IQCJ: variants seen among roughly 807,000 people sequenced by gnomAD.
The protein encoded by IQCJ is IQ motif containing J, also known as IQ domain-containing protein J.
Under a neutral mutation model 11.0 loss-of-function variants are expected in IQCJ, and 9 were observed. The ratio of observed to expected loss-of-function variants is 0.82; its 90% CI spans 0.49 to 1.43. IQCJ has a LOEUF of 1.43. Among genes scored for constraint, IQCJ ranks in the 40% most tolerant of loss-of-function variants. IQCJ has a pLI of 0.00. For missense variants in IQCJ, 146 were observed against 133.2 expected (o/e 1.10, Z -0.47); for synonymous variants, 55 against 51.3 (o/e 1.07, Z -0.31).
chr3:159,254,977 C>G (rs892872850), intron 3 of IQCJ, among the ~76,000 whole-genome samples: 5 of 152,226 alleles, frequency 3.3e-5, no homozygotes, highest in African/African-American at 1.2e-4. Context: ...CCCCATGATG[C>G]ACCAAGCAGT....
intron 1 of IQCJ, among the ~76,000 whole-genome samples, chr3:159,162,094 G>A (rs1375485388): frequency 3.3e-5 from 5 of 152,092 alleles, no homozygotes; most frequent in African/African-American, 9.7e-5. Context: ...TGATGGGGAT[G>A]GCATTGAATC....
intron 1 of IQCJ, among the ~76,000 whole-genome samples, chr3:159,235,731 G>A (rs955127592): frequency 1.3e-5 from 2 of 152,118 alleles, no homozygotes; most frequent in Admixed American, 6.5e-5. Flanking sequence ...GCTATGTTTC[G>A]ACTTAGATCG....
rs146133511 is a variant in IQCJ at position 159,248,881 on chromosome 3, G to T, written c.74+2974G>T. On this transcript the variant is annotated intron_variant, in intron 2 of 3. Coordinates refer to ENST00000397832, the MANE Select transcript of IQCJ (RefSeq NM_001042706.3). ...TATTGATTTTTTTTTTTTTGAGATGGGGTCTTGCTCTGTCACCCAGGCTGG... is the reference window on the plus strand; with the variant it reads ...TATTGATTTTTTTTTTTTTGAGATGTGGTCTTGCTCTGTCACCCAGGCTGG... 1.2e-3 allele frequency among the ~76,000 whole-genome samples: 182 copies of T among 151,236 alleles called. 1 individual carries two copies. Among genetic ancestry groups the T allele is most frequent in the African/African-American group, 4.3e-3 (179 of 41,168 alleles).
At chr3:159,069,666 G>T (rs552757613) in intron 1 of IQCJ, 3 of 633,774 alleles carry the variant, frequency 4.7e-6, no homozygotes, top group African/African-American at 3.7e-5. Flanking sequence ...ACATGTGTCT[G>T]TGCGGACAGA....
At chr3:159,251,657 CA>C (rs1420476439) in intron 2 of IQCJ, among the ~76,000 whole-genome samples, 1 of 152,064 alleles carries the variant, frequency 6.6e-6, no homozygotes, top group Non-Finnish European at 1.5e-5. Context: ...ACCACATGCA[CA>C]AGTACTGAAT....
At chr3:159,077,040 G>A (rs745751067) in intron 1 of IQCJ, among the ~76,000 whole-genome samples, 46 of 152,098 alleles carry the variant, frequency 3.0e-4, no homozygotes, top group Non-Finnish European at 5.6e-4. Context: ...TCACTTCAAC[G>A]TGATTTCTTC....
At chr3:159,188,756 C>T (rs1723517520) in intron 1 of IQCJ, among the ~76,000 whole-genome samples, 1 of 152,142 alleles carries the variant, frequency 6.6e-6, no homozygotes, top group African/African-American at 2.4e-5. Flanking sequence ...GTATCTCCCC[C>T]TTCTCCTTGT....
At chr3:159,125,154 G>T (rs1456238734) in intron 1 of IQCJ, among the ~76,000 whole-genome samples, 1 of 152,164 alleles carries the variant, frequency 6.6e-6, no homozygotes, top group East Asian at 1.9e-4. Flanking sequence ...GATAGTGCAT[G>T]TCCTTGACAT....
rs967974050 is a variant in IQCJ at position 159,180,589 on chromosome 3, GAGAT to G, written c.10-65251_10-65248del. On this transcript the variant is annotated intron_variant, in intron 1 of 3. Transcript: ENST00000397832. ...AAATAGGTGAATAATTGGATGGAGA[GAGAT>G]AGGGCAGGAGAGAGAGTGAAAACAA... Among the ~76,000 whole-genome samples, 63 of 152,066 alleles carry G rather than the reference GAGAT, an allele frequency of 4.1e-4. 3 individuals are homozygous for G. The highest frequency in any genetic ancestry group is 3.5e-3 in the South Asian group (17 of 4,828).
chr3:159,176,876 C>T (rs1374417816), intron 1 of IQCJ, among the ~76,000 whole-genome samples: 16 of 152,120 alleles, frequency 1.1e-4, no homozygotes, highest in Non-Finnish European at 1.2e-4. Context: ...ATTGAATAAG[C>T]TCTTACAGCA....
intron 1 of IQCJ, among the ~76,000 whole-genome samples, chr3:159,086,965 G>T (rs906093075): frequency 6.6e-6 from 1 of 152,184 alleles, no homozygotes; most frequent in African/African-American, 2.4e-5. Flanking sequence ...TTGAATAGGA[G>T]TGGTGAGAGA....
intron 1 of IQCJ, among the ~76,000 whole-genome samples, chr3:159,227,312 T>C (rs1344856163): frequency 6.6e-6 from 1 of 152,210 alleles, no homozygotes; most frequent in Non-Finnish European, 1.5e-5. Context: ...CATGAAACTG[T>C]AGATAATTGG....
chr3:159,178,133 A>G (rs1404621179), intron 1 of IQCJ, among the ~76,000 whole-genome samples: 1 of 152,224 alleles, frequency 6.6e-6, no homozygotes, highest in East Asian at 1.9e-4. Context: ...ACCACATAGT[A>G]GAAACTTTTA....
At chr3:159,221,678 C>T (rs1725554762) in intron 1 of IQCJ, among the ~76,000 whole-genome samples, 1 of 152,096 alleles carries the variant, frequency 6.6e-6, no homozygotes, top group Non-Finnish European at 1.5e-5. Flanking sequence ...AGTTAAAAGA[C>T]AAGGCCCTGC....
chr3:159,174,705 A>C (rs1328187893), intron 1 of IQCJ, among the ~76,000 whole-genome samples: 1 of 152,164 alleles, frequency 6.6e-6, no homozygotes, highest in African/African-American at 2.4e-5. Flanking sequence ...ATTTATCCAT[A>C]TTTGTACACA....
rs1192170351 is a variant in IQCJ at position 159,214,256 on chromosome 3, TA to T, written c.10-31584del. On this transcript the variant is annotated intron_variant, in intron 1 of 3. Coordinates refer to ENST00000397832, the MANE Select transcript of IQCJ (RefSeq NM_001042706.3). ...ACCATTATTCTCTCCGTTAATGGAGTAAAGAAGTTGAGAATTATTATAGACA... is the reference window on the plus strand; with the variant it reads ...ACCATTATTCTCTCCGTTAATGGAGTAAGAAGTTGAGAATTATTATAGACA... 3.3e-5 allele frequency among the ~76,000 whole-genome samples: 5 copies of T among 152,272 alleles called. No homozygotes were observed. The East Asian group carries it at 7.7e-4, about 24-fold the overall frequency.
At chr3:159,174,212 T>C (rs1722649925) in intron 1 of IQCJ, among the ~76,000 whole-genome samples, 1 of 152,168 alleles carries the variant, frequency 6.6e-6, no homozygotes, top group South Asian at 2.1e-4. Flanking sequence ...CCTATGCTTG[T>C]TTTATGGTTG....
chr3:159,148,393 T>C (rs997325884), intron 1 of IQCJ, among the ~76,000 whole-genome samples: 3 of 152,252 alleles, frequency 2.0e-5, no homozygotes, highest in Admixed American at 6.5e-5. Context: ...AGCAAACTTG[T>C]TCATTGGCAT....
At chr3:159,212,987 T>C (rs1203000288) in intron 1 of IQCJ, among the ~76,000 whole-genome samples, 1 of 152,124 alleles carries the variant, frequency 6.6e-6, no homozygotes, top group Non-Finnish European at 1.5e-5. Flanking sequence ...TTTGTTGATA[T>C]TGGGTGATTT....
Sources: gnomAD v4.1 joint callset for allele counts (sites outside exome capture counted in the v4.1 genomes callset) on GRCh38, gnomAD v4.1.1 for gene constraint, MANE v1.5 for transcripts, NCBI Gene and HGNC (gene_info 2026-07-23, HGNC 2026-07-21) for gene names.